The following SAXO1 variants were observed in gnomAD, a reference collection of about 807,000 sequenced individuals.
SAXO1 encodes the protein stabilizer of axonemal microtubules 1.
In SAXO1, 21 loss-of-function variants were observed where a neutral mutation model predicts 17.5. That is an observed-to-expected ratio of 1.20 (90% confidence interval 0.85 to 1.72). The LOEUF (loss-of-function observed/expected upper bound fraction) is 1.72. Ranked by LOEUF, SAXO1 falls within the 40% of genes most tolerant of loss-of-function variation. The probability of loss-of-function intolerance (pLI) is 0.00; values close to 1 mark genes in which losing one functional copy is unlikely to be tolerated. For synonymous variants in SAXO1, 274 were observed against 216.5 expected (o/e 1.27, Z -2.33); for missense variants, 843 against 596.0 (o/e 1.41, Z -4.32).
chr9:19,027,451 T>A (rs527842679), intron 1 of SAXO1: 1 of 768,830 alleles, frequency 1.3e-6, no homozygotes, highest in South Asian at 1.4e-5. Flanking sequence ...GGCCACTGTC[T>A]TGTCAATGAA....
chr9:18,967,350 A>C (rs1832758960), intron 1 of SAXO1, among the ~76,000 whole-genome samples: 1 of 152,036 alleles, frequency 6.6e-6, no homozygotes, highest in African/African-American at 2.4e-5. Context: ...ATCCACAGCC[A>C]CCCCTTCCCC....
intron 1 of SAXO1, among the ~76,000 whole-genome samples, chr9:18,986,104 G>A (rs1360521663): frequency 1.3e-5 from 2 of 152,024 alleles, no homozygotes; most frequent in African/African-American, 4.8e-5. Flanking sequence ...AAATACTAAT[G>A]GGCTTTTCTA....
chr9:19,043,828 T>C (rs1222637884), intron 1 of SAXO1, among the ~76,000 whole-genome samples: 7 of 151,842 alleles, frequency 4.6e-5, no homozygotes, highest in Non-Finnish European at 7.4e-5. Context: ...AATAATTTCA[T>C]TGTACATTCA....
At chr9:18,941,584 G>A (rs916381531) in intron 3 of SAXO1, 53 bp downstream of exon 3, 73 of 1,598,626 alleles carry the variant, frequency 4.6e-5, no homozygotes, top group Admixed American at 3.8e-4. Context: ...TTCCTGGCCC[G>A]CACACAGGCT....
chr9:19,048,448 C>T (rs1836272880), intron 1 of SAXO1, among the ~76,000 whole-genome samples: 1 of 150,876 alleles, frequency 6.6e-6, no homozygotes. Context: ...CAGAGTGAGA[C>T]TCCGTCTCAA....
chr9:18,961,859 T>C (rs1832499786), intron 1 of SAXO1, among the ~76,000 whole-genome samples: 1 of 152,182 alleles, frequency 6.6e-6, no homozygotes, highest in African/African-American at 2.4e-5. Context: ...TACCCAGTAA[T>C]GGGATTGCTG....
In SAXO1 at chr9:18,990,534, A is replaced by G. The variant is rs553889460; in HGVS notation, c.39-39597T>C. Among the ~76,000 whole-genome samples, 3 of 152,276 alleles carry G rather than the reference A, an allele frequency of 2.0e-5. No individual in the cohort carries two copies. In the East Asian group the frequency reaches 5.8e-4, roughly 29 times the overall value. On this transcript the variant is annotated intron_variant, in intron 1 of 3. Transcript: ENST00000380534. ...TGCAGTGAGCCATGTTTGCACCACT[A>G]CACTCAAGCCTGGGTGACAAATATG...
intron 1 of SAXO1, among the ~76,000 whole-genome samples, chr9:19,009,204 G>GT (rs1834617828): frequency 6.6e-6 from 1 of 151,482 alleles, no homozygotes; most frequent in South Asian, 2.1e-4. Context: ...TATTTTTAGA[G>GT]TAAAAAAAAA....
At position 18,955,450 on chromosome 9, in the gene SAXO1, A is replaced by G. The variant is rs1029676536; in HGVS notation, c.39-4513T>C. Among the ~76,000 whole-genome samples the G allele has an allele frequency of 3.9e-4, 59 of 152,208 alleles. 1 individual carries two copies. Among genetic ancestry groups the G allele is most frequent in the African/African-American group, 1.3e-3 (52 of 41,452 alleles). On this transcript the variant is annotated intron_variant, in intron 1 of 3. Transcript: ENST00000380534. ...CATATGGTAGTGGCTTCCCTATTGG[A>G]AAGTGCAGATCTAAAATTCGAAGGT...
At chr9:18,940,364 G>C (rs1181518139) in intron 3 of SAXO1, among the ~76,000 whole-genome samples, 2 of 152,210 alleles carry the variant, frequency 1.3e-5, no homozygotes, top group Non-Finnish European at 2.9e-5. Context: ...GGGAGTGTTA[G>C]AGGAAGAAGC....
chr9:18,931,071 C>T (rs1319390769), intron 3 of SAXO1, among the ~76,000 whole-genome samples: 3 of 152,194 alleles, frequency 2.0e-5, no homozygotes, highest in Non-Finnish European at 2.9e-5. Flanking sequence ...CTGAAGTACA[C>T]AATTTAGTGA....
intron 1 of SAXO1, among the ~76,000 whole-genome samples, chr9:19,031,362 A>C (rs1360615173): frequency 6.6e-6 from 1 of 152,210 alleles, no homozygotes; most frequent in Non-Finnish European, 1.5e-5. Context: ...GGAGTTCAAA[A>C]CCAGCCTGGA....
chr9:19,032,714 G>C (rs898822459), intron 1 of SAXO1, among the ~76,000 whole-genome samples, 157 bp downstream of exon 1: 4 of 152,232 alleles, frequency 2.6e-5, no homozygotes, highest in Admixed American at 6.5e-5. Flanking sequence ...GCGTCCGCGG[G>C]CACAACGCTA....
chr9:18,988,108 C>T (rs1038110193), intron 1 of SAXO1, among the ~76,000 whole-genome samples: 2 of 152,122 alleles, frequency 1.3e-5, no homozygotes, highest in African/African-American at 4.8e-5. Flanking sequence ...ACAGCAGGCC[C>T]TTACAGCTTA....
intron 1 of SAXO1, among the ~76,000 whole-genome samples, chr9:18,966,668 C>A (rs1832728647): frequency 6.6e-6 from 1 of 152,086 alleles, no homozygotes; most frequent in Non-Finnish European, 1.5e-5. Context: ...TCTTAGCTTC[C>A]TTGCAATTGG....
In SAXO1 at chr9:18,966,107, A is replaced by T. The variant is rs547130099; in HGVS notation, c.39-15170T>A. ...TCTGGTTTGTAGGGTTTCTGCAGAGATCTGCTGTTAGTCTGATGGGCTTCC... is the reference window on the plus strand; with the variant it reads ...TCTGGTTTGTAGGGTTTCTGCAGAGTTCTGCTGTTAGTCTGATGGGCTTCC... On this transcript the variant is annotated intron_variant, in intron 1 of 3. Transcript: ENST00000380534. 3.3e-5 allele frequency among the ~76,000 whole-genome samples: 5 copies of T among 152,268 alleles called. No individual in the cohort carries two copies. The South Asian group carries it at 1.0e-3, about 32-fold the overall frequency.
chr9:18,998,353 G>T lies in SAXO1; in HGVS notation c.38+34518C>A, dbSNP rs180970645. Among the ~76,000 whole-genome samples, 5 of 152,098 alleles carry T rather than the reference G, an allele frequency of 3.3e-5. No individual in the cohort carries two copies. In the East Asian group the frequency reaches 7.8e-4, roughly 24 times the overall value. ...CAATAGCCAATTTGATCAAGCAGAA[G>T]AAAGAATATCAGCAATTAAAGATCA... On this transcript the variant is annotated intron_variant, in intron 1 of 3. Transcript: ENST00000380534.
intron 3 of SAXO1, among the ~76,000 whole-genome samples, chr9:18,939,371 T>C (rs1310880117): frequency 6.6e-6 from 1 of 152,078 alleles, no homozygotes; most frequent in Admixed American, 6.5e-5. Context: ...AGAGGGTAAT[T>C]GGGAAAGAAA....
intron 1 of SAXO1, among the ~76,000 whole-genome samples, chr9:18,992,659 C>G (rs905967372): frequency 5.3e-5 from 8 of 152,250 alleles, no homozygotes; most frequent in African/African-American, 1.9e-4. Context: ...AAGTGAAGGG[C>G]AGAGGAACTC....
Sources: gnomAD v4.1 joint callset for allele counts (sites outside exome capture counted in the v4.1 genomes callset) on GRCh38, gnomAD v4.1.1 for gene constraint, MANE v1.5 for transcripts, NCBI Gene and HGNC (gene_info 2026-07-23, HGNC 2026-07-21) for gene names.